Variants in FRMD8 observed in about 807,000 individuals in gnomAD.
The protein encoded by FRMD8 is FERM domain containing 8.
A neutral mutation model predicts 54.2 loss-of-function variants in FRMD8; 37 were observed. The ratio of observed to expected loss-of-function variants is 0.68; its 90% CI spans 0.53 to 0.90. FRMD8 has a LOEUF of 0.90. Ranked by LOEUF, FRMD8 falls within the 40% of genes least tolerant of loss-of-function variation. The pLI, the probability that FRMD8 is intolerant of heterozygous loss-of-function variation, is 0.00. For synonymous variants in FRMD8, 246 were observed against 286.9 expected (o/e 0.86, Z 1.44); for missense variants, 585 against 653.7 (o/e 0.89, Z 1.15).
the FRMD8 span, among the ~76,000 whole-genome samples, chr11:65,369,405 T>C: frequency 1.4e-5 from 2 of 144,624 alleles, no homozygotes; most frequent in African/African-American, 5.2e-5. Context: ...GGCAACATAA[T>C]GAGACCCCAT....
intron 9 of FRMD8, among the ~76,000 whole-genome samples, chr11:65,401,824 CTT>C (rs61275056): frequency 3.3e-4 from 39 of 119,718 alleles, no homozygotes; most frequent in African/African-American, 1.1e-3. Flanking sequence ...TCACAATTTT[CTT>C]TTTTTTTTTT....
Position 65,412,386 on chromosome 11 carries a change from C to G in FRMD8, c.*1026C>G, listed in dbSNP as rs541014958. ...TTCCCAGGTGGCGCCATGGATTCCT[C>G]TGGGGGCTGGCGCATGCCCAGGAAA... On this transcript the variant is annotated 3_prime_UTR_variant, in exon 11 of 11. Transcript: ENST00000317568. 1 of 152,484 alleles carries G rather than the reference C, an allele frequency of 6.6e-6. No individual in the cohort carries two copies. Among genetic ancestry groups the G allele is most frequent in the South Asian group, 2.1e-4 (1 of 4,832 alleles). The allele number at this position is 152,484 out of a possible 1,614,324, so 9.4% of individuals were successfully genotyped here.
chr11:65,403,474 C>G (rs1031163332), intron 9 of FRMD8, among the ~76,000 whole-genome samples: 7 of 152,254 alleles, frequency 4.6e-5, no homozygotes, highest in African/African-American at 1.7e-4. Context: ...TGAGCCACGG[C>G]ACCTGGCCTG....
At chr11:65,399,619 G>T (rs1373288640) in intron 7 of FRMD8, 117 bp from the exon 8 acceptor site, 9 of 1,242,304 alleles carry the variant, frequency 7.2e-6, no homozygotes, top group African/African-American at 1.5e-5. Context: ...CCCTTCCCTG[G>T]GGCGGGTTTC....
At chr11:65,401,490 G>A (rs764241447) in intron 9 of FRMD8, among the ~76,000 whole-genome samples, 3 of 146,666 alleles carry the variant, frequency 2.0e-5, no homozygotes, top group East Asian at 4.1e-4. Flanking sequence ...CTTTCATCTC[G>A]GGTCTCTCTG....
chr11:65,404,745 C>G lies in FRMD8; in HGVS notation c.1072-119C>G, dbSNP rs1590659177. The G allele has an allele frequency of 1.2e-6, 1 of 806,020 alleles. No homozygotes were observed. The highest frequency in any genetic ancestry group is 2.0e-6 in the Non-Finnish European group (1 of 498,636). The allele number at this position is 806,020 out of a possible 1,614,324, so 49.9% of individuals were successfully genotyped here. On this transcript the variant is annotated intron_variant, in intron 9 of 10. Transcript: ENST00000317568. The surrounding 1 kb of genome is among the most constrained non-coding windows in gnomAD (Gnocchi z 4.7). ...CCCCTGCCTCCCTGCTCCCTCCCTC[C>G]TGAGTGATGTGTGTCCCCTCCCCTG... is the stretch of plus-strand genomic sequence containing the variant.
intron 3 of FRMD8, 147 bp downstream of exon 3, chr11:65,389,675 C>G (rs1590647098): frequency 5.0e-6 from 4 of 807,478 alleles, no homozygotes; most frequent in Non-Finnish European, 7.6e-6. Context: ...CCTGAGCTGT[C>G]CACCTGTCTG....
intron 10 of FRMD8, among the ~76,000 whole-genome samples, chr11:65,407,883 C>CA (rs541022646): frequency 0.91 from 113,795 of 124,646 alleles, 52,287 homozygotes; most frequent in South Asian, 0.98. Flanking sequence ...GACTCTGTCT[C>CA]AAAAAAAAAA....
the FRMD8 span, among the ~76,000 whole-genome samples, chr11:65,369,146 T>C: frequency 6.6e-6 from 1 of 151,998 alleles, no homozygotes; most frequent in South Asian, 2.1e-4. Flanking sequence ...AACTCGAGGG[T>C]GGGACCCAGC....
At chr11:65,394,218 C>G in intron 5 of FRMD8, 41 bp from the exon 6 acceptor site, 2 of 1,594,192 alleles carry the variant, frequency 1.3e-6, no homozygotes, top group South Asian at 1.1e-5. Flanking sequence ...CTCCCTGCCC[C>G]AGCCCAGCTG....
chr11:65,401,187 G>A (rs2137911842), intron 9 of FRMD8, among the ~76,000 whole-genome samples: 1 of 152,112 alleles, frequency 6.6e-6, no homozygotes, highest in South Asian at 2.1e-4. Context: ...CAGTGCTGTT[G>A]TGACCCTATT....
chr11:65,403,862 A>G (rs1414296424), intron 9 of FRMD8, among the ~76,000 whole-genome samples: 1 of 152,118 alleles, frequency 6.6e-6, no homozygotes, highest in East Asian at 1.9e-4. Context: ...TGTTCTAGGA[A>G]ACTTAGTAGG....
intron 10 of FRMD8, among the ~76,000 whole-genome samples, chr11:65,406,189 G>A (rs536624931): frequency 5.5e-5 from 8 of 145,552 alleles, no homozygotes; most frequent in African/African-American, 1.0e-4. Flanking sequence ...CACCACACCC[G>A]GCTAATTTTT....
At chr11:65,393,280 T>C (rs1855878552) in intron 3 of FRMD8, among the ~76,000 whole-genome samples, 1 of 152,216 alleles carries the variant, frequency 6.6e-6, no homozygotes, top group South Asian at 2.1e-4. Flanking sequence ...CAGTCTCCAG[T>C]TTCAGCTTGC....
chr11:65,379,965 G>A, the FRMD8 span: 2 of 1,613,808 alleles, frequency 1.2e-6, no homozygotes, highest in Non-Finnish European at 1.7e-6. Context: ...AGCAGGTAGG[G>A]TGGCGGGATG....
the FRMD8 span, chr11:65,379,238 G>T: frequency 1.0e-6 from 1 of 966,098 alleles, no homozygotes; most frequent in Non-Finnish European, 1.5e-6. Context: ...AGCCTGGAAG[G>T]CCATAGCACA....
At chr11:65,389,814 G>A (rs1388887389) in intron 3 of FRMD8, among the ~76,000 whole-genome samples, 2 of 152,194 alleles carry the variant, frequency 1.3e-5, no homozygotes, top group African/African-American at 4.8e-5. Context: ...CAGTACCGCA[G>A]GAGGGAGGGA....
At chr11:65,401,992 T>C (rs1856094415) in intron 9 of FRMD8, among the ~76,000 whole-genome samples, 1 of 152,114 alleles carries the variant, frequency 6.6e-6, no homozygotes, top group Admixed American at 6.6e-5. Context: ...AGGTGTGATA[T>C]ACAGGTCAAT....
chr11:65,382,396 G>A (rs565578994), upstream of FRMD8: 87 of 207,552 alleles, frequency 4.2e-4, no homozygotes, highest in Non-Finnish European at 7.6e-4. This position sits in a 1 kb window ranked among gnomAD's most constrained non-coding sequence, Gnocchi z 4.4. Context: ...GGCCGGGTGC[G>A]GAGGTAGCGT....
Sources: allele counts gnomAD v4.1 joint callset (sites outside exome capture counted in the v4.1 genomes callset), GRCh38; gene constraint gnomAD v4.1.1; non-coding constraint Gnocchi (gnomAD v3.1); transcripts MANE v1.5; gene names NCBI Gene and HGNC (gene_info 2026-07-23, HGNC 2026-07-21).